Variants in LRRK1 observed in about 807,000 individuals in gnomAD.
LRRK1 encodes leucine rich repeat kinase 1.
LRRK1 carries 113 observed loss-of-function variants against 209.1 expected under a neutral mutation model. The ratio of observed to expected loss-of-function variants is 0.54; its 90% CI spans 0.46 to 0.63. The LOEUF (loss-of-function observed/expected upper bound fraction) is 0.63, where lower values mean the gene tolerates loss of function less well. Ranked by LOEUF, LRRK1 falls within the 30% of genes least tolerant of loss-of-function variation. LRRK1 has a pLI of 0.00. For missense variants in LRRK1, 2,284 were observed against 2,632.2 expected (o/e 0.87, Z 2.89); for synonymous variants, 1,144 against 1,099.7 (o/e 1.04, Z -0.80).
intron 20 of LRRK1, among the ~76,000 whole-genome samples, chr15:101,041,537 G>T (rs145023679): frequency 6.6e-6 from 1 of 151,986 alleles, no homozygotes; most frequent in African/African-American, 2.4e-5. Context: ...CTGTGTTTTA[G>T]TGGTTACTCT....
At chr15:100,928,796 C>A (rs1478571496) in intron 2 of LRRK1, among the ~76,000 whole-genome samples, 1 of 152,176 alleles carries the variant, frequency 6.6e-6, no homozygotes, top group Non-Finnish European at 1.5e-5. Flanking sequence ...CCTTTCAAAG[C>A]CCCTGGATGT....
At chr15:100,963,830 A>ACAGCAAGGAATG in intron 2 of LRRK1, among the ~76,000 whole-genome samples, 1 of 152,302 alleles carries the variant, frequency 6.6e-6, no homozygotes. Flanking sequence ...CACACTCATG[A>ACAGCAAGGAATG]CAGCAAGGAA....
At chr15:101,019,440 T>A (rs1023024061) in intron 12 of LRRK1, among the ~76,000 whole-genome samples, 4 of 152,244 alleles carry the variant, frequency 2.6e-5, no homozygotes, top group African/African-American at 9.6e-5. Context: ...AAAGCCATCT[T>A]TAGAAGGCCG....
chr15:101,000,660 C>G (rs2032643679), intron 6 of LRRK1, among the ~76,000 whole-genome samples: 1 of 152,154 alleles, frequency 6.6e-6, no homozygotes, highest in South Asian at 2.1e-4. Flanking sequence ...CCACATCTCC[C>G]CCGTCATCTG....
At chr15:100,962,814 TATA>T (rs1223027961) in intron 2 of LRRK1, among the ~76,000 whole-genome samples, 11 of 33,950 alleles carry the variant, frequency 3.2e-4, no homozygotes, top group African/African-American at 9.7e-4. Context: ...TATATATATA[TATA>T]TATATATTTT....
intron 12 of LRRK1, among the ~76,000 whole-genome samples, chr15:101,018,583 C>T (rs2141705080): frequency 6.6e-6 from 1 of 152,300 alleles, no homozygotes; most frequent in South Asian, 2.1e-4. Context: ...GTGGGCTCAG[C>T]ACTCAATGAG....
At chr15:100,959,296 C>A (rs1170344567) in intron 2 of LRRK1, among the ~76,000 whole-genome samples, 1 of 152,114 alleles carries the variant, frequency 6.6e-6, no homozygotes, top group Non-Finnish European at 1.5e-5. Context: ...AGATAGGCAC[C>A]CACGGCAGTG....
chr15:100,945,634 C>A (rs1385736930), intron 2 of LRRK1, among the ~76,000 whole-genome samples: 1 of 151,654 alleles, frequency 6.6e-6, no homozygotes, highest in Non-Finnish European at 1.5e-5. Flanking sequence ...GCTGGGATCA[C>A]AGGCGCCCAC....
intron 6 of LRRK1, among the ~76,000 whole-genome samples, chr15:101,002,183 G>C (rs2032727051): frequency 6.6e-6 from 1 of 152,222 alleles, no homozygotes; most frequent in African/African-American, 2.4e-5. Flanking sequence ...CTCATTCACT[G>C]TGACAATTTT....
At chr15:101,046,724 C>CGA (rs1252106005) in intron 21 of LRRK1, among the ~76,000 whole-genome samples, 1 of 152,168 alleles carries the variant, frequency 6.6e-6, no homozygotes, top group Non-Finnish European at 1.5e-5. Flanking sequence ...GGCTCCCAGG[C>CGA]GAGTCCCCTG....
intron 20 of LRRK1, among the ~76,000 whole-genome samples, chr15:101,041,080 G>A (rs2034731703): frequency 6.6e-6 from 1 of 152,118 alleles, no homozygotes; most frequent in Non-Finnish European, 1.5e-5. Context: ...GCCATTATTG[G>A]TTACATATAC....
chr15:100,932,830 C>T lies in LRRK1; in HGVS notation c.97+8101C>T, dbSNP rs1337877461. Among the ~76,000 whole-genome samples, 3 of 152,190 alleles carry T rather than the reference C, an allele frequency of 2.0e-5. No individual in the cohort carries two copies. The East Asian group carries it at 5.8e-4, about 29-fold the overall frequency. On this transcript the variant is annotated intron_variant, in intron 2 of 33. Coordinates refer to ENST00000388948, the MANE Select transcript of LRRK1 (RefSeq NM_024652.6). ...TAAATGAATATTTCCTTCCCTTTTG[C>T]ACCCCATCTATCTGCTGCTCCCTCT...
At chr15:100,977,268 C>T (rs1422019245) in intron 3 of LRRK1, among the ~76,000 whole-genome samples, 1 of 151,966 alleles carries the variant, frequency 6.6e-6, no homozygotes, top group African/African-American at 2.4e-5. Flanking sequence ...AGGCAGGAAA[C>T]TTACAGGCAG....
rs2031122033 is a variant in LRRK1, at chr15:100,973,870, C to T, written c.164C>T (p.Thr55Met). The change falls in exon 3 of 34, where the codon ACG becomes ATG. Residue 55 changes from threonine (T) to methionine (M), a missense_variant. Around this residue, in one of 6 missense-constraint regions of LRRK1, gnomAD observed 174 missense variants for 133.5 expected, o/e 1.30. Coordinates refer to ENST00000388948, the MANE Select transcript of LRRK1 (RefSeq NM_024652.6). ...GGDPAARSRR[T>M]EGIRAAYRRG... ...GACCCTGCAGCGCGGTCCCGCAGGA[C>T]GGAAGGCATCCGCGCCGCGTACAGG... The T allele has an allele frequency of 1.6e-6, 2 of 1,287,112 alleles. No homozygotes were observed. Among genetic ancestry groups the T allele is most frequent in the South Asian group, 2.4e-5 (1 of 41,224 alleles). The allele number at this position is 1,287,112 out of a possible 1,614,324, so 79.7% of individuals were successfully genotyped here.
At chr15:101,058,215 C>T (rs1240672384) in intron 29 of LRRK1, 74 bp downstream of exon 29, 13 of 1,442,288 alleles carry the variant, frequency 9.0e-6, no homozygotes, top group East Asian at 4.6e-5. Flanking sequence ...GGAACACAGT[C>T]GATGTTGACC....
chr15:100,986,891 G>C (rs1551466), intron 4 of LRRK1, among the ~76,000 whole-genome samples: 70,463 of 151,980 alleles, frequency 0.46, 16,902 homozygotes, highest in African/African-American at 0.59. Context: ...TTTTTCCTAC[G>C]ACTCTGACCA....
chr15:101,037,427 G>A (rs1337483703), intron 20 of LRRK1, among the ~76,000 whole-genome samples: 1 of 152,146 alleles, frequency 6.6e-6, no homozygotes, highest in Non-Finnish European at 1.5e-5. Flanking sequence ...CACATGCTCT[G>A]GCACAGGGGC....
intron 6 of LRRK1, among the ~76,000 whole-genome samples, chr15:101,004,021 C>T (rs1331534580): frequency 3.3e-5 from 5 of 152,218 alleles, no homozygotes. Context: ...CAATGTTGGG[C>T]CTACTTGTGA....
Position 100,988,654 on chromosome 15 carries a change from C to T in LRRK1, c.454C>T (p.Leu152Phe). ...GCCAGGTCCCTGCAGTCCCCAGCGG[C>T]TTCTGAACTGGATGCTGGCCTTGGC... ...SLPGPCSPQRLLNWMLALACQ... is the reference protein window; with the variant it reads ...SLPGPCSPQRFLNWMLALACQ... Residue 152 changes from leucine to phenylalanine, a missense_variant, in exon 5 of 34, where the codon CTT becomes TTT. This residue lies in a region of LRRK1 where 134 missense variants were observed against 191.7 expected (regional missense o/e 0.70). Transcript: ENST00000388948. 1.2e-6 allele frequency: 2 copies of T among 1,614,220 alleles called. No homozygotes were observed. Among genetic ancestry groups the T allele is most frequent in the Non-Finnish European group, 1.7e-6 (2 of 1,180,046 alleles).
Sources: gnomAD v4.1 joint callset for allele counts (sites outside exome capture counted in the v4.1 genomes callset) on GRCh38, gnomAD v4.1.1 for gene constraint, gnomAD v4.1.1 regional missense constraint, MANE v1.5 for transcripts, NCBI Gene and HGNC (gene_info 2026-07-23, HGNC 2026-07-21) for gene names.